The following AHNAK variants were observed in gnomAD, a reference collection of about 807,000 sequenced individuals.
AHNAK encodes the protein neuroblast differentiation-associated protein AHNAK.
Under a neutral mutation model 37.8 loss-of-function variants are expected in AHNAK, and 23 were observed. The ratio of observed to expected loss-of-function variants is 0.61; its 90% CI spans 0.44 to 0.86. The LOEUF (loss-of-function observed/expected upper bound fraction) is 0.86. Among genes scored for constraint, AHNAK ranks in the 40% least tolerant of loss-of-function variants. The pLI, the probability that AHNAK is intolerant of heterozygous loss-of-function variation, is 0.00. For synonymous variants in AHNAK, 2,481 were observed against 2,636.3 expected (o/e 0.94, Z 1.80); for missense variants, 7,411 against 7,319.4 (o/e 1.01, Z -0.46).
At chr11:62,460,840 G>A (rs906369426) in intron 5 of AHNAK, among the ~76,000 whole-genome samples, 1 of 152,064 alleles carries the variant, frequency 6.6e-6, no homozygotes, top group Non-Finnish European at 1.5e-5. Flanking sequence ...TTGAGATGGC[G>A]TCTCAGAGTC....
chr11:62,440,617 T>A (rs1938285054), intron 5 of AHNAK, among the ~76,000 whole-genome samples: 1 of 152,090 alleles, frequency 6.6e-6, no homozygotes, highest in Non-Finnish European at 1.5e-5. Context: ...CACTTCTTAG[T>A]TTAACCCTAT....
rs567900993 is a variant in AHNAK at position 62,435,736 on chromosome 11, T to C, written c.443-1845A>G. Reference sequence around the variant, plus strand: ...CCTATTTATTTATCTTTTTAAGAGATGGGGTCTTACTATATTGCTCAGGCT... The same window carrying C: ...CCTATTTATTTATCTTTTTAAGAGACGGGGTCTTACTATATTGCTCAGGCT... On this transcript the variant is annotated intron_variant, in intron 5 of 5. Coordinates refer to the AHNAK transcript ENST00000257247. Among the ~76,000 whole-genome samples, 10 of 152,196 alleles carry C rather than the reference T, an allele frequency of 6.6e-5. No homozygotes were observed. The South Asian group carries it at 2.1e-3, about 32-fold the overall frequency.
intron 5 of AHNAK, among the ~76,000 whole-genome samples, chr11:62,472,750 T>A (rs781639148): frequency 2.0e-5 from 3 of 152,052 alleles, no homozygotes; most frequent in Admixed American, 6.6e-5. Context: ...ACAAATGCTG[T>A]ATAACTCCAC....
rs1460197699 is a variant in AHNAK at position 62,517,529 on chromosome 11, C to T, written c.16888G>A (p.Gly5630Arg). The change falls in exon 5 of 5, where the codon GGA (glycine) becomes AGA (arginine). Residue 5630 changes from glycine (G) to arginine (R), a missense_variant. By Grantham distance (125) the Gly-to-Arg change is moderately radical (BLOSUM62 -2). Transcript: ENST00000378024. Reference protein sequence around the residue: ...SGPKVEGGVKGGQIGLQAPGL... With the variant: ...SGPKVEGGVKRGQIGLQAPGL... ...GGAGCCTGGAGTCCAATCTGACCTC[C>T]TTTCACACCTCCTTCCACCTTTGGT... 3 of 1,614,174 alleles carry T rather than the reference C, an allele frequency of 1.9e-6. No homozygotes were observed. Among genetic ancestry groups the T allele is most frequent in the Admixed American group, 3.3e-5 (2 of 60,020 alleles).
intron 2 of AHNAK, 140 bp from the exon 3 acceptor site, chr11:62,536,238 C>G: frequency 1.2e-6 from 1 of 868,940 alleles, no homozygotes; most frequent in Non-Finnish European, 1.7e-6. Context: ...AGCTGGCTCA[C>G]CTGCCAGGTG....
chr11:62,534,002 C>T lies in AHNAK; in HGVS notation c.415G>A (p.Val139Met). 1 of 1,597,836 alleles carries T rather than the reference C, an allele frequency of 6.3e-7. No homozygotes were observed. ...IKPRLKSEDG[V>M]EGDLGETQSR... ...TGGGTCTCCCCGAGGTCTCCTTCCA[C>T]TCCATCTTCCGACTTCAGCCGTGGC... Residue 139 changes from valine (V) to methionine (M), a missense_variant, in exon 5 of 5, where the codon GTG becomes ATG. Transcript: ENST00000378024.
chr11:62,518,134 T>C lies in AHNAK; in HGVS notation c.16283A>G (p.Gln5428Arg), dbSNP rs1940093014. The C allele has an allele frequency of 6.2e-7, 1 of 1,614,050 alleles. No homozygotes were observed. Among genetic ancestry groups the C allele is most frequent in the Non-Finnish European group, 8.5e-7 (1 of 1,180,040 alleles). ...TGGCCCCTTCAGTTCGCCAGAAACC[T>C]GTGGCCCCTTGGCATTGACGTGCAA... The part of the protein sequence containing the change: ...SDLHVNAKGP[Q>R]VSGELKGPGV... The change falls in exon 5 of 5, where the codon CAG becomes CGG. Residue 5428 changes from glutamine to arginine, a missense_variant. Transcript: ENST00000378024.
chr11:62,521,952 T>G lies in AHNAK; in HGVS notation c.12465A>C (p.Glu4155Asp), dbSNP rs1415935803. 6.2e-7 allele frequency: 1 copy of G among 1,613,248 alleles called. No homozygotes were observed. Among genetic ancestry groups the G allele is most frequent in the Non-Finnish European group, 8.5e-7 (1 of 1,179,834 alleles). The change falls in exon 5 of 5, where the codon GAA (glutamate) becomes GAC (aspartate). Residue 4155 changes from glutamate (E) to aspartate (D), a missense_variant. Physicochemically the swap from Glu to Asp is conservative, Grantham distance 45. Transcript: ENST00000378024. ...CAACTTCAGGGCCCTTGAGGTCGCC[T>G]TCCACTTTGGGCAGAGAAACGTCCA... ...GDVDVSLPKV[E>D]GDLKGPEVDI...
exon 5 of AHNAK, chr11:62,491,810 G>A: frequency 6.2e-7 from 1 of 1,612,614 alleles, no homozygotes. Context: ...TTGCATTCCA[G>A]TGCTGATGGC....
In AHNAK at chr11:62,529,990, A is replaced by G. The variant is rs75066541; in HGVS notation, c.4427T>C (p.Val1476Ala). 6.4e-4 allele frequency: 1,039 copies of G among 1,613,652 alleles called. 1 individual carries two copies. In the East Asian group the frequency reaches 8.9e-3, roughly 14 times the overall value. ...KGDYDVTVPKVEGEIKAPDVD... is the reference protein window; with the variant it reads ...KGDYDVTVPKAEGEIKAPDVD... ...ATCAGGAGCTTTTATCTCTCCTTCT[A>G]CTTTTGGAACTGTTACATCATAATC... is the stretch of plus-strand genomic sequence containing the variant. Residue 1476 changes from valine to alanine, a missense_variant, in exon 5 of 5, where the codon GTA (valine) becomes GCA (alanine). Val to Ala is a moderately conservative substitution (Grantham distance 64). Transcript: ENST00000378024.
chr11:62,478,563 G>A (rs536460333), intron 5 of AHNAK, among the ~76,000 whole-genome samples: 10 of 151,978 alleles, frequency 6.6e-5, no homozygotes, highest in East Asian at 1.9e-4. Flanking sequence ...TAGGCAACAC[G>A]GCAAGACCTC....
chr11:62,535,499 T>C (rs1414920217), intron 3 of AHNAK, among the ~76,000 whole-genome samples: 3 of 151,798 alleles, frequency 2.0e-5, no homozygotes, highest in African/African-American at 7.3e-5. Context: ...AAATGCAAAA[T>C]TAGTCTGGTG....
rs112601832 is a variant in AHNAK, at chr11:62,470,531, G to A, written c.442+21201C>T. ...TGAGACAGGAGAATCGCTTGAACCC[G>A]GGAGGCGGAGATTGCAGTGAGCCGA... On this transcript the variant is annotated intron_variant, in intron 5 of 5. Coordinates refer to the AHNAK transcript ENST00000257247. 2.5e-3 allele frequency among the ~76,000 whole-genome samples: 373 copies of A among 152,200 alleles called. 2 individuals carry two copies. The highest frequency in any genetic ancestry group is 8.5e-3 in the African/African-American group (354 of 41,544).
At position 62,525,136 on chromosome 11, in the gene AHNAK, G is replaced by A. The variant is rs940927270; in HGVS notation, c.9281C>T (p.Pro3094Leu). The A allele has an allele frequency of 1.2e-6, 2 of 1,613,948 alleles. No individual in the cohort carries two copies. Among genetic ancestry groups the A allele is most frequent in the African/African-American group, 2.7e-5 (2 of 74,870 alleles). Residue 3094 changes from proline to leucine, a missense_variant, in exon 5 of 5, where the codon CCT (proline) becomes CTT (leucine). Pro to Leu is a moderately conservative substitution (Grantham distance 98). Transcript: ENST00000378024. ...ACCTTTCAGGTTAAGATCAATGTCA[G>A]GCATGGAGATCTTGGGGGCTTTGAT... The part of the protein sequence containing the change: ...MNIKAPKISM[P>L]DIDLNLKGPK...
intron 4 of AHNAK, among the ~76,000 whole-genome samples, chr11:62,505,072 A>G (rs979832839): frequency 4.6e-5 from 7 of 152,136 alleles, no homozygotes; most frequent in African/African-American, 1.7e-4. Context: ...ATAAAGGGGA[A>G]AGCGCGCAAT....
At chr11:62,462,466 T>A (rs1938813037) in intron 5 of AHNAK, among the ~76,000 whole-genome samples, 1 of 152,152 alleles carries the variant, frequency 6.6e-6, no homozygotes, top group Non-Finnish European at 1.5e-5. Context: ...GGACACTTGA[T>A]TTACATATTT....
At chr11:62,473,487 A>C (rs1242509140) in intron 5 of AHNAK, among the ~76,000 whole-genome samples, 1 of 150,782 alleles carries the variant, frequency 6.6e-6, no homozygotes, top group Non-Finnish European at 1.5e-5. Flanking sequence ...CAAGGTCAGG[A>C]GATCGAGACC....
Position 62,526,543 on chromosome 11 carries a change from G to C in AHNAK, c.7874C>G (p.Pro2625Arg), listed in dbSNP as rs375991032. 1 of 1,610,482 alleles carries C rather than the reference G, an allele frequency of 6.2e-7. No homozygotes were observed. Among genetic ancestry groups the C allele is most frequent in the Non-Finnish European group, 8.5e-7 (1 of 1,179,180 alleles). ...IKGPKVDINA[P>R]DVGVQGPDWH... is the part of the protein sequence containing the mutation. Reference sequence around the variant, plus strand: ...GTCTGGGCCTTGAACACCCACATCTGGGGCATTAATATCCACTTTGGGCCC... The same window carrying C: ...GTCTGGGCCTTGAACACCCACATCTCGGGCATTAATATCCACTTTGGGCCC... The change falls in exon 5 of 5, where the codon CCA (proline) becomes CGA (arginine). Residue 2625 changes from proline (P) to arginine (R), a missense_variant. Pro to Arg is a moderately radical substitution (Grantham distance 103). Transcript: ENST00000378024.
chr11:62,512,964 T>A (rs1939941641), downstream of AHNAK, among the ~76,000 whole-genome samples: 1 of 151,984 alleles, frequency 6.6e-6, no homozygotes, highest in Non-Finnish European at 1.5e-5. This position sits in a 1 kb window ranked among gnomAD's most constrained non-coding sequence, Gnocchi z 4.0. Context: ...AAGGAGGAAC[T>A]GTTCACTATT....
Sources: allele counts gnomAD v4.1 joint callset (sites outside exome capture counted in the v4.1 genomes callset), GRCh38; gene constraint gnomAD v4.1.1; non-coding constraint Gnocchi (gnomAD v3.1); transcripts MANE v1.5; gene names NCBI Gene and HGNC (gene_info 2026-07-23, HGNC 2026-07-21).